TRABD2B: variants seen among roughly 807,000 people sequenced by gnomAD.
The protein encoded by TRABD2B is TraB domain containing 2B.
In TRABD2B, 14 loss-of-function variants were observed where a neutral mutation model predicts 40.1. That is an observed-to-expected ratio of 0.35 (90% CI 0.23 to 0.55). TRABD2B has a LOEUF of 0.55. Ranked by LOEUF, TRABD2B falls within the 20% of genes least tolerant of loss-of-function variation. TRABD2B has a pLI of 0.90. For missense variants in TRABD2B, 541 were observed against 648.6 expected, an observed-to-expected ratio of 0.83 and a Z score of 1.80; for synonymous variants, 263 against 277.0, an observed-to-expected ratio of 0.95 and a Z score of 0.50.
chr1:47,968,242 G>A (rs1274775257), intron 2 of TRABD2B, among the ~76,000 whole-genome samples: 1 of 152,168 alleles, frequency 6.6e-6, no homozygotes, highest in Non-Finnish European at 1.5e-5. Flanking sequence ...TCATGACCCA[G>A]ATGCACATTT....
chr1:47,983,394 C>A (rs1645869660), intron 2 of TRABD2B, among the ~76,000 whole-genome samples: 1 of 152,084 alleles, frequency 6.6e-6, no homozygotes, highest in African/African-American at 2.4e-5. Context: ...GGGCTTAATA[C>A]CTGGGTGATG....
At chr1:47,831,596 C>T (rs1414908958) in intron 2 of TRABD2B, among the ~76,000 whole-genome samples, 1 of 152,050 alleles carries the variant, frequency 6.6e-6, no homozygotes, top group East Asian at 1.9e-4. Context: ...GTGATCACTC[C>T]CCCCTCTCTT....
intron 2 of TRABD2B, among the ~76,000 whole-genome samples, chr1:47,974,274 T>C (rs924625410): frequency 1.3e-5 from 2 of 152,154 alleles, no homozygotes; most frequent in East Asian, 3.9e-4. Context: ...CATGCATGGC[T>C]CCAGTTACAT....
At chr1:47,865,920 C>T (rs1250632621) in intron 2 of TRABD2B, among the ~76,000 whole-genome samples, 1 of 152,072 alleles carries the variant, frequency 6.6e-6, no homozygotes, top group African/African-American at 2.4e-5. Flanking sequence ...TTCTCTGTTG[C>T]CCAGACAGGC....
At chr1:47,980,707 G>C (rs528703448) in intron 2 of TRABD2B, among the ~76,000 whole-genome samples, 10 of 152,268 alleles carry the variant, frequency 6.6e-5, no homozygotes, top group African/African-American at 2.4e-4. Context: ...TACGTCTGTT[G>C]GGCCCCTCAG....
chr1:47,776,530 G>T (rs970369528), intron 5 of TRABD2B, among the ~76,000 whole-genome samples: 18 of 152,196 alleles, frequency 1.2e-4, no homozygotes, highest in African/African-American at 4.1e-4. Flanking sequence ...TCACATTGTG[G>T]AATTCATGTT....
At chr1:47,841,427 G>T (rs1377899651) in intron 2 of TRABD2B, among the ~76,000 whole-genome samples, 1 of 152,194 alleles carries the variant, frequency 6.6e-6, no homozygotes, top group East Asian at 1.9e-4. Context: ...CCAGGCCAGC[G>T]CCTGAATCCC....
intron 2 of TRABD2B, among the ~76,000 whole-genome samples, chr1:47,863,370 TTTTATATA>T (rs1279341794): frequency 3.7e-5 from 1 of 26,884 alleles, no homozygotes; most frequent in African/African-American, 1.5e-4. Flanking sequence ...TCCTATATAA[TTTTATATA>T]TATATATATA....
chr1:47,895,974 G>A (rs571063790), intron 2 of TRABD2B, among the ~76,000 whole-genome samples: 127 of 152,354 alleles, frequency 8.3e-4, no homozygotes, highest in Non-Finnish European at 1.6e-3. Context: ...GGCCCCAGTG[G>A]CAGGACTCAT....
intron 2 of TRABD2B, among the ~76,000 whole-genome samples, chr1:47,892,347 A>G (rs1644459668): frequency 1.3e-5 from 2 of 152,238 alleles, no homozygotes; most frequent in Non-Finnish European, 2.9e-5. Flanking sequence ...GAAGTCTGGT[A>G]AGAATCAGGA....
intron 6 of TRABD2B, among the ~76,000 whole-genome samples, chr1:47,768,580 T>C (rs1459241980): frequency 1.3e-5 from 2 of 152,144 alleles, no homozygotes; most frequent in African/African-American, 4.8e-5. Flanking sequence ...TCAATGCCAC[T>C]TGGGGCAGTT....
rs545962046 is a variant in TRABD2B, at chr1:47,831,601, T to C, written c.667-29982A>G. ...TGTATGCTGGGTGATCACTCCCCCC[T>C]CTCTTTATAAAGAGAGGAGAGTGGA... is the stretch of plus-strand genomic sequence containing the variant. On this transcript the variant is annotated intron_variant, in intron 2 of 6. Transcript: ENST00000606738. Among the ~76,000 whole-genome samples the C allele has an allele frequency of 2.6e-3, 393 of 152,174 alleles. 2 individuals are homozygous for C. Among genetic ancestry groups the C allele is most frequent in the African/African-American group, 9.2e-3 (381 of 41,514 alleles).
At chr1:47,952,352 A>G (rs1645357633) in intron 2 of TRABD2B, among the ~76,000 whole-genome samples, 1 of 151,948 alleles carries the variant, frequency 6.6e-6, no homozygotes, top group Non-Finnish European at 1.5e-5. Context: ...AGCCCTTCTT[A>G]CAGCCTCTGC....
chr1:47,937,975 A>G (rs1472956072), intron 2 of TRABD2B, among the ~76,000 whole-genome samples: 1 of 152,190 alleles, frequency 6.6e-6, no homozygotes, highest in Non-Finnish European at 1.5e-5. Flanking sequence ...CCCCACCTCA[A>G]TCCCACAGTG....
chr1:47,775,450 G>A lies in TRABD2B; in HGVS notation c.1080-11C>T. On this transcript the variant is annotated splice_polypyrimidine_tract_variant and intron_variant, in intron 5 of 6. Transcript: ENST00000606738. ...CTCTGGGGGGCAGGGCTGGAAAGAG[G>A]TAATGGCACATGGGGCACATGTGTT... 1 of 1,234,738 alleles carries A rather than the reference G, an allele frequency of 8.1e-7. No homozygotes were observed. The highest frequency in any genetic ancestry group is 1.5e-5 in the African/African-American group (1 of 64,638). 76.5% of individuals were successfully genotyped at this position (1,234,738 alleles called of 1,614,324 possible). A position where few individuals can be genotyped will look rare whatever the true frequency, so the allele number is the denominator to read the frequency against.
At chr1:47,958,973 C>T (rs545831842) in intron 2 of TRABD2B, among the ~76,000 whole-genome samples, 1 of 152,084 alleles carries the variant, frequency 6.6e-6, no homozygotes, top group African/African-American at 2.4e-5. Context: ...TAAAGCACTC[C>T]TCAGCAAATG....
intron 4 of TRABD2B, among the ~76,000 whole-genome samples, chr1:47,786,707 T>C (rs1557565954): frequency 6.6e-6 from 1 of 152,054 alleles, no homozygotes; most frequent in African/African-American, 2.4e-5. Flanking sequence ...TGTTTGTTCA[T>C]TTGTTTTGTT....
intron 2 of TRABD2B, among the ~76,000 whole-genome samples, chr1:47,889,945 A>C (rs549753003): frequency 6.6e-6 from 1 of 152,246 alleles, no homozygotes; most frequent in Admixed American, 6.5e-5. Context: ...AGAGGAAGCC[A>C]AAGTAAATTA....
chr1:47,926,434 C>CAG (rs1553165944), intron 2 of TRABD2B, among the ~76,000 whole-genome samples: 1 of 152,192 alleles, frequency 6.6e-6, no homozygotes, highest in Non-Finnish European at 1.5e-5. Flanking sequence ...GAAAGCATCC[C>CAG]AGAGGCTCTT....
Sources: gnomAD v4.1 joint callset for allele counts (sites outside exome capture counted in the v4.1 genomes callset) on GRCh38, gnomAD v4.1.1 for gene constraint, MANE v1.5 for transcripts, NCBI Gene and HGNC (gene_info 2026-07-23, HGNC 2026-07-21) for gene names.